EPHB1: variants seen among roughly 807,000 people sequenced by gnomAD.
EPHB1 encodes EPH receptor B1.
Under a neutral mutation model 94.4 loss-of-function variants are expected in EPHB1, and 30 were observed. That is an observed-to-expected ratio of 0.32 (90% CI 0.24 to 0.43). The LOEUF (loss-of-function observed/expected upper bound fraction) is 0.43, where lower values mean the gene tolerates loss of function less well. Ranked by LOEUF, EPHB1 falls within the 20% of genes least tolerant of loss-of-function variation. The probability of loss-of-function intolerance (pLI) is 1.00; values close to 1 mark genes in which losing one functional copy is unlikely to be tolerated. For synonymous variants in EPHB1, 522 were observed against 489.1 expected (o/e 1.07, Z -0.89); for missense variants, 1,055 against 1,308.3 (o/e 0.81, Z 2.99).
chr3:134,937,521 G>A (rs746826086), intron 2 of EPHB1, among the ~76,000 whole-genome samples: 4 of 152,184 alleles, frequency 2.6e-5, no homozygotes, highest in African/African-American at 4.8e-5. Context: ...CATGGCTTAC[G>A]CTCAGTCAAA....
intron 5 of EPHB1, among the ~76,000 whole-genome samples, chr3:135,146,074 T>G (rs1404447741): frequency 6.6e-6 from 1 of 152,164 alleles, no homozygotes; most frequent in African/African-American, 2.4e-5. Context: ...GGAAGGTAGA[T>G]CACAGTGCAC....
At chr3:134,845,003 G>T (rs62272435) in intron 1 of EPHB1, among the ~76,000 whole-genome samples, 14 of 152,258 alleles carry the variant, frequency 9.2e-5, no homozygotes, top group African/African-American at 3.4e-4. Context: ...AATCTTCAAT[G>T]CATGACATGA....
intron 1 of EPHB1, among the ~76,000 whole-genome samples, chr3:134,840,014 A>G (rs1478607395): frequency 6.6e-6 from 1 of 152,106 alleles, no homozygotes; most frequent in Non-Finnish European, 1.5e-5. Flanking sequence ...ATGGGGACAC[A>G]TTATTCCACT....
chr3:134,972,307 G>C (rs955886888), intron 3 of EPHB1, among the ~76,000 whole-genome samples: 2 of 137,002 alleles, frequency 1.5e-5, no homozygotes, highest in Non-Finnish European at 3.0e-5. Context: ...TCTGGATCTT[G>C]AGGTCTTTCT....
At chr3:135,063,227 T>G (rs1175472803) in intron 3 of EPHB1, among the ~76,000 whole-genome samples, 1 of 152,244 alleles carries the variant, frequency 6.6e-6, no homozygotes, top group Non-Finnish European at 1.5e-5. Flanking sequence ...GTGAAGAATG[T>G]TGGAGGTATT....
intron 3 of EPHB1, among the ~76,000 whole-genome samples, chr3:135,041,849 A>T (rs1279573277): frequency 6.6e-6 from 1 of 152,144 alleles, no homozygotes; most frequent in Non-Finnish European, 1.5e-5. Context: ...CCCATGGTGG[A>T]AAGCAGATGG....
chr3:134,958,315 G>C (rs909143654), intron 3 of EPHB1, among the ~76,000 whole-genome samples: 1 of 152,086 alleles, frequency 6.6e-6, no homozygotes, highest in South Asian at 2.1e-4. Flanking sequence ...GGTTTTCGGG[G>C]CCTGCTTCCA....
chr3:135,229,822 C>A (rs1943490070), intron 12 of EPHB1, among the ~76,000 whole-genome samples: 1 of 152,214 alleles, frequency 6.6e-6, no homozygotes, highest in Admixed American at 6.5e-5. Context: ...TGCAGCTTCA[C>A]CTCAGAGCAG....
At chr3:135,140,925 C>A (rs375150078) in intron 5 of EPHB1, among the ~76,000 whole-genome samples, 3 of 152,206 alleles carry the variant, frequency 2.0e-5, no homozygotes, top group East Asian at 3.8e-4. Context: ...AAATTAACAT[C>A]TTCTCTGAGC....
At chr3:135,098,734 G>A (rs144609998) in intron 3 of EPHB1, among the ~76,000 whole-genome samples, 3,523 of 152,096 alleles carry the variant, frequency 0.023, 65 homozygotes, top group Non-Finnish European at 0.032. Context: ...CACTTTGACC[G>A]AGCATGTTGG....
chr3:134,875,421 G>T (rs1004116924), intron 1 of EPHB1, among the ~76,000 whole-genome samples: 2 of 152,190 alleles, frequency 1.3e-5, no homozygotes, highest in Non-Finnish European at 2.9e-5. Context: ...AGAGGTCTCA[G>T]TCCCTGTGTC....
intron 1 of EPHB1, among the ~76,000 whole-genome samples, chr3:134,883,872 G>A (rs528755623): frequency 1.4e-4 from 22 of 152,196 alleles, no homozygotes; most frequent in Non-Finnish European, 2.8e-4. Flanking sequence ...GCACTCTTAG[G>A]TACCTTCTTG....
intron 3 of EPHB1, among the ~76,000 whole-genome samples, chr3:135,058,845 A>G (rs1319619627): frequency 1.3e-5 from 2 of 152,164 alleles, no homozygotes; most frequent in Non-Finnish European, 2.9e-5. Context: ...GGGCTCCTCC[A>G]ACATTTTCTT....
At chr3:135,166,341 A>G (rs976819547) in intron 8 of EPHB1, among the ~76,000 whole-genome samples, 4 of 152,136 alleles carry the variant, frequency 2.6e-5, no homozygotes, top group South Asian at 4.1e-4. Flanking sequence ...CTTACACACA[A>G]TGGCTTTTCA....
intron 3 of EPHB1, among the ~76,000 whole-genome samples, chr3:135,089,926 T>A (rs1025325019): frequency 3.9e-5 from 6 of 152,234 alleles, no homozygotes; most frequent in Non-Finnish European, 8.8e-5. Flanking sequence ...GAGATCTAAG[T>A]GCTAAGTGTA....
At chr3:135,117,169 G>A (rs116190039) in intron 4 of EPHB1, among the ~76,000 whole-genome samples, 17 of 152,372 alleles carry the variant, frequency 1.1e-4, no homozygotes, top group African/African-American at 3.8e-4. Context: ...TGCCTGCCAA[G>A]AGGGTTTCTG....
chr3:134,936,137 TGGG>T (rs2038996516), intron 2 of EPHB1, among the ~76,000 whole-genome samples: 1 of 151,862 alleles, frequency 6.6e-6, no homozygotes, highest in Admixed American at 6.6e-5. Context: ...AGAATGGAGC[TGGG>T]GTGGGGAGGA....
chr3:134,876,509 C>G (rs1026634812), intron 1 of EPHB1, among the ~76,000 whole-genome samples: 3 of 152,342 alleles, frequency 2.0e-5, no homozygotes, highest in Admixed American at 2.0e-4. Flanking sequence ...TCCCTTGGCT[C>G]TGCTCTCTTC....
At chr3:134,926,816 T>C (rs2038800515) in intron 2 of EPHB1, among the ~76,000 whole-genome samples, 1 of 152,130 alleles carries the variant, frequency 6.6e-6, no homozygotes, top group African/African-American at 2.4e-5. Context: ...GAGAAAGGCA[T>C]TTAAGAGGCT....
Sources: allele counts gnomAD v4.1 joint callset (sites outside exome capture counted in the v4.1 genomes callset), GRCh38; gene constraint gnomAD v4.1.1; transcripts MANE v1.5; gene names NCBI Gene and HGNC (gene_info 2026-07-23, HGNC 2026-07-21).